Variants in RAPGEF1 observed in about 807,000 individuals in gnomAD.
RAPGEF1 encodes Rap guanine nucleotide exchange factor 1, also known as CRK SH3-binding GNRP.
Under a neutral mutation model 143.3 loss-of-function variants are expected in RAPGEF1, and 33 were observed. That is an observed-to-expected ratio of 0.23 (90% CI 0.17 to 0.31). The LOEUF (loss-of-function observed/expected upper bound fraction) is 0.31. Among genes scored for constraint, RAPGEF1 ranks in the 10% least tolerant of loss-of-function variants. The pLI, the probability that RAPGEF1 is intolerant of heterozygous loss-of-function variation, is 1.00. For missense variants in RAPGEF1, 1,199 were observed against 1,645.4 expected (o/e 0.73, Z 4.69); for synonymous variants, 629 against 676.5 (o/e 0.93, Z 1.09).
chr9:131,588,799 A>C lies in RAPGEF1; in HGVS notation c.3053+2T>G. 1 of 1,609,972 alleles carries C rather than the reference A, an allele frequency of 6.2e-7. No individual in the cohort carries two copies. ...GCAGGGCTGGAGAGGTGGGCTTCTC[A>C]CCTGGCTGCTACCCCCCGGGCTGCC... is the stretch of plus-strand genomic sequence containing the variant. On this transcript the variant is annotated splice_donor_variant, in intron 20 of 26. Coordinates refer to ENST00000683357, the MANE Select transcript of RAPGEF1 (RefSeq NM_001377935.1). LOFTEE classifies it high-confidence loss of function.
intron 12 of RAPGEF1, among the ~76,000 whole-genome samples, chr9:131,616,156 T>C (rs1958972449): frequency 6.6e-6 from 1 of 152,060 alleles, no homozygotes; most frequent in Non-Finnish European, 1.5e-5. Flanking sequence ...TAATCCCAGC[T>C]ACTCCGGAGG....
chr9:131,643,199 C>T, intron 4 of RAPGEF1, 40 bp downstream of exon 4: 1 of 1,566,312 alleles, frequency 6.4e-7, no homozygotes. Flanking sequence ...TCTAAGGCTT[C>T]CATTGTTCTG....
At chr9:131,709,919 C>A in intron 1 of RAPGEF1, 1 of 985,430 alleles carries the variant, frequency 1.0e-6, no homozygotes, top group Non-Finnish European at 1.2e-6. Context: ...GGCTTGTTAT[C>A]GCCCTACCGG....
At chr9:131,733,685 G>T (rs1030465441) in intron 1 of RAPGEF1, among the ~76,000 whole-genome samples, 3 of 152,214 alleles carry the variant, frequency 2.0e-5, no homozygotes, top group Admixed American at 6.5e-5. Flanking sequence ...AGGCGGCCGC[G>T]GGGTGGGGCA....
intron 24 of RAPGEF1, among the ~76,000 whole-genome samples, chr9:131,582,958 C>T (rs1295922113): frequency 6.6e-6 from 1 of 152,218 alleles, no homozygotes; most frequent in Non-Finnish European, 1.5e-5. Flanking sequence ...AAACACCCCA[C>T]AGTACTCATT....
In RAPGEF1 at chr9:131,579,548, A is replaced by C. The variant is rs1951535821; in HGVS notation, c.3741T>G (p.Ile1247Met). ...EEALWELSLKIKPRNITRRKT... is the reference protein window; with the variant it reads ...EEALWELSLKMKPRNITRRKT... ...TTCTCCTTGTTATGTTCCTGGGTTTAATTTTCAGAGACAGTTCCCATAGGG... is the reference window on the plus strand; with the variant it reads ...TTCTCCTTGTTATGTTCCTGGGTTTCATTTTCAGAGACAGTTCCCATAGGG... The change falls in exon 27 of 27, where the codon ATT (isoleucine) becomes ATG (methionine). Residue 1247 changes from isoleucine (I) to methionine (M), a missense_variant. By Grantham distance (10) the Ile-to-Met change is conservative. This residue lies in a region of RAPGEF1 where 67 missense variants were observed against 105.4 expected (regional missense o/e 0.64). Transcript: ENST00000683357. 1.2e-6 allele frequency: 2 copies of C among 1,614,000 alleles called. No homozygotes were observed. The highest frequency in any genetic ancestry group is 1.7e-6 in the Non-Finnish European group (2 of 1,179,870).
chr9:131,663,383 T>C (rs75974142), intron 1 of RAPGEF1, among the ~76,000 whole-genome samples: 1 of 151,998 alleles, frequency 6.6e-6, no homozygotes, highest in African/African-American at 2.4e-5. Flanking sequence ...AACATTATCA[T>C]ACCCAAGATA....
rs531064826 is a variant in RAPGEF1, at chr9:131,675,529, C to T, written c.62-24580G>A. Reference sequence around the variant, plus strand: ...CCACAAGCCACCTTCCACTAAGAGACGAATTACCAATGTACTGGTGGTCCT... The same window carrying T: ...CCACAAGCCACCTTCCACTAAGAGATGAATTACCAATGTACTGGTGGTCCT... On this transcript the variant is annotated intron_variant, in intron 1 of 26. Transcript: ENST00000683357. This position sits in a 1 kb window ranked among gnomAD's most constrained non-coding sequence, Gnocchi z 4.6. Among the ~76,000 whole-genome samples the T allele has an allele frequency of 4.5e-4, 68 of 152,352 alleles. No individual in the cohort carries two copies. The highest frequency in any genetic ancestry group is 8.4e-4 in the Non-Finnish European group (57 of 68,020).
chr9:131,710,955 C>T (rs1485695309), intron 1 of RAPGEF1, among the ~76,000 whole-genome samples: 1 of 152,170 alleles, frequency 6.6e-6, no homozygotes, highest in African/African-American at 2.4e-5. Context: ...ATTCCAGTCT[C>T]ACCTCCTCAG....
At chr9:131,607,763 G>A (rs988175453) in intron 12 of RAPGEF1, among the ~76,000 whole-genome samples, 3 of 152,100 alleles carry the variant, frequency 2.0e-5, no homozygotes, top group African/African-American at 4.8e-5. Flanking sequence ...GTCATGTTCC[G>A]CGCTGACTCC....
At chr9:131,595,919 ATAGAG>A (rs939276330) in intron 17 of RAPGEF1, among the ~76,000 whole-genome samples, 1 of 152,180 alleles carries the variant, frequency 6.6e-6, no homozygotes, top group African/African-American at 2.4e-5. Context: ...GTCTGCAACA[ATAGAG>A]TGACTCAGCA....
At chr9:131,726,576 A>T (rs907102309) in intron 1 of RAPGEF1, among the ~76,000 whole-genome samples, 1 of 123,528 alleles carries the variant, frequency 8.1e-6, no homozygotes, top group Non-Finnish European at 1.9e-5. Context: ...CAGTGAGCTG[A>T]GACGGCACTG....
intron 6 of RAPGEF1, among the ~76,000 whole-genome samples, 183 bp from the exon 7 acceptor site, chr9:131,629,437 T>C (rs1316101563): frequency 1.3e-5 from 2 of 152,132 alleles, no homozygotes; most frequent in Non-Finnish European, 2.9e-5. Flanking sequence ...TACTGGAGCT[T>C]GGCTGTGCCC....
intron 1 of RAPGEF1, among the ~76,000 whole-genome samples, chr9:131,653,639 G>A (rs1971672920): frequency 6.6e-6 from 1 of 152,224 alleles, no homozygotes; most frequent in Non-Finnish European, 1.5e-5. Flanking sequence ...AAGTGTTGGT[G>A]AGGACTGGAG....
intron 1 of RAPGEF1, among the ~76,000 whole-genome samples, chr9:131,703,836 C>G (rs1319528154): frequency 1.3e-5 from 2 of 152,210 alleles, no homozygotes; most frequent in East Asian, 3.8e-4. Context: ...TCAAGACCAT[C>G]AGGCATGCGA....
chr9:131,615,054 T>C (rs1958706778), intron 12 of RAPGEF1, among the ~76,000 whole-genome samples: 1 of 152,116 alleles, frequency 6.6e-6, no homozygotes, highest in Non-Finnish European at 1.5e-5. Flanking sequence ...TACAAGAAAG[T>C]AGTGTGCAGT....
chr9:131,689,057 A>G (rs925224267), intron 1 of RAPGEF1, among the ~76,000 whole-genome samples: 2 of 152,232 alleles, frequency 1.3e-5, no homozygotes, highest in African/African-American at 4.8e-5. Context: ...TCCAAGAGTC[A>G]TCTTTTTGGA....
chr9:131,683,003 T>C (rs1435657734), intron 1 of RAPGEF1, among the ~76,000 whole-genome samples: 1 of 152,188 alleles, frequency 6.6e-6, no homozygotes, highest in African/African-American at 2.4e-5. Flanking sequence ...ATAACTTCTG[T>C]ACCTATAAAT....
chr9:131,636,965 C>A (rs1385021148), intron 5 of RAPGEF1, among the ~76,000 whole-genome samples: 1 of 152,178 alleles, frequency 6.6e-6, no homozygotes, highest in East Asian at 1.9e-4. Flanking sequence ...GTGGCTCACA[C>A]CTGTAATCCC....
Sources: gnomAD v4.1 joint callset for allele counts (sites outside exome capture counted in the v4.1 genomes callset) on GRCh38, gnomAD v4.1.1 for gene constraint, gnomAD v4.1.1 regional missense constraint, Gnocchi (gnomAD v3.1) non-coding constraint, MANE v1.5 for transcripts, NCBI Gene and HGNC (gene_info 2026-07-23, HGNC 2026-07-21) for gene names.